The following ZMAT4 variants were observed in gnomAD, a reference collection of about 807,000 sequenced individuals.
The protein encoded by ZMAT4 is zinc finger matrin-type protein 4.
A neutral mutation model predicts 28.7 loss-of-function variants in ZMAT4; 17 were observed. The ratio of observed to expected loss-of-function variants is 0.59; its 90% confidence interval spans 0.41 to 0.89. ZMAT4 has a LOEUF of 0.89. Ranked by LOEUF, ZMAT4 falls within the 40% of genes least tolerant of loss-of-function variation. ZMAT4 has a pLI of 0.00. For missense variants in ZMAT4, 240 were observed against 283.8 expected (o/e 0.85, Z 1.11); for synonymous variants, 117 against 109.2 (o/e 1.07, Z -0.44).
At chr8:40,627,374 A>AC (rs1806414670) in intron 5 of ZMAT4, among the ~76,000 whole-genome samples, 1 of 152,204 alleles carries the variant, frequency 6.6e-6, no homozygotes, top group African/African-American at 2.4e-5. Context: ...ACACACACAC[A>AC]AACAGACACA....
chr8:40,580,930 T>TA, intron 6 of ZMAT4, among the ~76,000 whole-genome samples: 1 of 152,224 alleles, frequency 6.6e-6, no homozygotes. Flanking sequence ...CCTAATTTCA[T>TA]AAAAGTATGC....
At chr8:40,694,346 C>A (rs1809782895) in intron 4 of ZMAT4, among the ~76,000 whole-genome samples, 1 of 152,166 alleles carries the variant, frequency 6.6e-6, no homozygotes, top group African/African-American at 2.4e-5. Flanking sequence ...AAGCCTCCAC[C>A]TTATACTCTA....
intron 3 of ZMAT4, among the ~76,000 whole-genome samples, chr8:40,734,320 C>G (rs1187080437): frequency 6.6e-6 from 1 of 152,156 alleles, no homozygotes; most frequent in East Asian, 1.9e-4. Context: ...TTAAATGGCA[C>G]TTAAGAGGAG....
chr8:40,820,089 C>T (rs904720045), intron 2 of ZMAT4, among the ~76,000 whole-genome samples: 7 of 151,674 alleles, frequency 4.6e-5, no homozygotes, highest in African/African-American at 1.7e-4. Flanking sequence ...CACCATTTCA[C>T]TTAAAATCAT....
intron 5 of ZMAT4, among the ~76,000 whole-genome samples, chr8:40,646,923 C>G (rs1807346613): frequency 6.6e-6 from 1 of 152,212 alleles, no homozygotes; most frequent in Non-Finnish European, 1.5e-5. Flanking sequence ...GCACATGAAT[C>G]ATTCTCTAGG....
intron 6 of ZMAT4, among the ~76,000 whole-genome samples, chr8:40,533,199 C>A (rs1343530295): frequency 6.6e-6 from 1 of 152,038 alleles, no homozygotes; most frequent in Non-Finnish European, 1.5e-5. Flanking sequence ...CCATTTCCAC[C>A]CCTTTTAAAG....
rs1807313557 is a variant in ZMAT4 at position 40,646,336 on chromosome 8, T to C, written c.577+28368A>G. ...TATTTATCAGTTACCTTTTTAGCTATATTTCTTTGTATTTCATGGTGGTTT... is the reference window on the plus strand; with the variant it reads ...TATTTATCAGTTACCTTTTTAGCTACATTTCTTTGTATTTCATGGTGGTTT... On this transcript the variant is annotated intron_variant, in intron 5 of 6. Coordinates refer to ENST00000297737, the MANE Select transcript of ZMAT4 (RefSeq NM_024645.3). Among the ~76,000 whole-genome samples the C allele has an allele frequency of 2.0e-5, 3 of 152,072 alleles. No individual in the cohort carries two copies. In the South Asian group the frequency reaches 6.2e-4, roughly 32 times the overall value.
At chr8:40,598,990 T>A (rs1233705207) in intron 5 of ZMAT4, among the ~76,000 whole-genome samples, 2 of 152,054 alleles carry the variant, frequency 1.3e-5, no homozygotes, top group Admixed American at 1.3e-4. Context: ...CACAGAAAAA[T>A]CAATCATAAG....
At chr8:40,720,481 A>G (rs1195677668) in intron 3 of ZMAT4, among the ~76,000 whole-genome samples, 1 of 151,334 alleles carries the variant, frequency 6.6e-6, no homozygotes, top group African/African-American at 2.4e-5. Flanking sequence ...ATGCCCAGCT[A>G]GATCACAGGC....
At chr8:40,882,685 C>T (rs891081486) in intron 1 of ZMAT4, among the ~76,000 whole-genome samples, 6 of 152,170 alleles carry the variant, frequency 3.9e-5, no homozygotes, top group African/African-American at 7.2e-5. Context: ...ATACGCTAGA[C>T]GCTTGGCACC....
chr8:40,680,196 T>G (rs1197327946), intron 4 of ZMAT4, among the ~76,000 whole-genome samples: 1 of 152,196 alleles, frequency 6.6e-6, no homozygotes, highest in Non-Finnish European at 1.5e-5. Context: ...GTGCACATCC[T>G]TCTGAAAAAT....
intron 1 of ZMAT4, among the ~76,000 whole-genome samples, chr8:40,868,447 T>A (rs935185492): frequency 3.8e-4 from 58 of 152,174 alleles, no homozygotes; most frequent in Non-Finnish European, 7.1e-4. Context: ...CACCTATGTC[T>A]GCACTGTCTG....
intron 5 of ZMAT4, among the ~76,000 whole-genome samples, chr8:40,584,202 G>A (rs1387682682): frequency 6.6e-6 from 1 of 152,140 alleles, no homozygotes. Context: ...CAGTATCCAT[G>A]CTAGCTTTGC....
intron 6 of ZMAT4, among the ~76,000 whole-genome samples, chr8:40,579,103 A>G (rs1185292842): frequency 1.3e-5 from 2 of 152,204 alleles, no homozygotes; most frequent in African/African-American, 4.8e-5. Context: ...ATTAAATGAG[A>G]TAATAGATGT....
intron 2 of ZMAT4, among the ~76,000 whole-genome samples, chr8:40,818,755 C>G (rs1342363062): frequency 1.3e-5 from 2 of 152,196 alleles, no homozygotes; most frequent in African/African-American, 2.4e-5. Context: ...GTGGTGCTGA[C>G]AGGCTACAGT....
chr8:40,625,964 G>A (rs1806360678), intron 5 of ZMAT4, among the ~76,000 whole-genome samples: 1 of 152,096 alleles, frequency 6.6e-6, no homozygotes, highest in South Asian at 2.1e-4. Context: ...TACAAAATCA[G>A]CCTGGTGTGG....
chr8:40,758,152 G>A (rs1167339521), intron 3 of ZMAT4, among the ~76,000 whole-genome samples: 2 of 152,100 alleles, frequency 1.3e-5, no homozygotes, highest in Non-Finnish European at 2.9e-5. Flanking sequence ...GTGATCGTGT[G>A]AGTCAATATT....
intron 1 of ZMAT4, among the ~76,000 whole-genome samples, chr8:40,841,212 C>T (rs1399574784): frequency 6.6e-6 from 1 of 152,164 alleles, no homozygotes; most frequent in Non-Finnish European, 1.5e-5. Context: ...AGGAGCTGGC[C>T]CCAGTGGCGG....
chr8:40,697,162 C>T (rs1374018053), intron 4 of ZMAT4, 83 bp downstream of exon 4: 11 of 1,438,206 alleles, frequency 7.6e-6, no homozygotes, highest in East Asian at 4.8e-5. Flanking sequence ...CTGGCAACTG[C>T]GTCTGAAGGA....
Sources: allele counts gnomAD v4.1 joint callset (sites outside exome capture counted in the v4.1 genomes callset), GRCh38; gene constraint gnomAD v4.1.1; transcripts MANE v1.5; gene names NCBI Gene and HGNC (gene_info 2026-07-23, HGNC 2026-07-21).